MGAT3: variants seen among roughly 807,000 people sequenced by gnomAD.
The protein encoded by MGAT3 is GlcNAc-T III.
In MGAT3, 9 loss-of-function variants were observed where a neutral mutation model predicts 29.8. That is an observed-to-expected ratio of 0.30 (90% confidence interval 0.18 to 0.53). The LOEUF (loss-of-function observed/expected upper bound fraction) is 0.53, where lower values mean the gene tolerates loss of function less well. MGAT3 is among the 20% of genes least tolerant of loss of function. The pLI is 0.96. For missense variants in MGAT3, 557 were observed against 769.5 expected (o/e 0.72, Z 3.27); for synonymous variants, 397 against 348.9 (o/e 1.14, Z -1.54).
chr22:39,459,878 C>T (rs738289), intron 1 of MGAT3, among the ~76,000 whole-genome samples: 119,464 of 152,250 alleles, frequency 0.78, 47,305 homozygotes, highest in East Asian at 1. Context: ...ACCTGGAAAA[C>T]GAGGATGCCG....
intron 1 of MGAT3, among the ~76,000 whole-genome samples, chr22:39,485,880 T>A (rs562731450): frequency 6.6e-6 from 1 of 152,244 alleles, no homozygotes; most frequent in Admixed American, 6.5e-5. Context: ...CATAAACTGA[T>A]TGATAAATTA....
chr22:39,483,957 A>G (rs1929198417), intron 1 of MGAT3, among the ~76,000 whole-genome samples: 1 of 152,166 alleles, frequency 6.6e-6, no homozygotes, highest in Non-Finnish European at 1.5e-5. Context: ...GAATGGGGCA[A>G]ACGCTGCCCT....
chr22:39,484,407 CTG>C, intron 1 of MGAT3, among the ~76,000 whole-genome samples: 1 of 152,064 alleles, frequency 6.6e-6, no homozygotes, highest in East Asian at 1.9e-4. Context: ...GAGTCTCACT[CTG>C]TTGCCCAGGT....
chr22:39,463,513 T>A (rs995942706), intron 1 of MGAT3, among the ~76,000 whole-genome samples: 1 of 152,344 alleles, frequency 6.6e-6, no homozygotes, highest in Admixed American at 6.5e-5. Flanking sequence ...GCCCTGTCTC[T>A]GGAACGCCTG....
chr22:39,475,888 A>G (rs1307042813), intron 1 of MGAT3: 2 of 152,226 alleles, frequency 1.3e-5, no homozygotes, highest in African/African-American at 4.8e-5. Context: ...AGATGGGAGG[A>G]TTGCTTGAGT....
At chr22:39,462,311 C>T (rs1047218154) in intron 1 of MGAT3, among the ~76,000 whole-genome samples, 5 of 152,154 alleles carry the variant, frequency 3.3e-5, no homozygotes, top group Non-Finnish European at 5.9e-5. Context: ...GTGTCTTTGG[C>T]GTGTTTGTTA....
At position 39,487,617 on chromosome 22, in the gene MGAT3, C is replaced by T. The variant is rs766749026; in HGVS notation, c.270C>T (p.Ala90=). 5 of 1,611,598 alleles carry T rather than the reference C, an allele frequency of 3.1e-6. No homozygotes were observed. In the African/African-American group the frequency reaches 6.7e-5, roughly 21 times the overall value. The change falls in exon 2 of 2, where the codon GCC becomes GCT. Residue 90 remains alanine, a synonymous_variant. Transcript: ENST00000341184. The surrounding 1 kb of genome is among the most constrained non-coding windows in gnomAD (Gnocchi z 5.7). ...LLQPLPPSKA[A]EELHRVDLVL... ...AGCCGCTGCCGCCCAGCAAGGCGGC[C>T]GAGGAGCTCCACCGGGTGGACTTGG...
chr22:39,480,697 T>C (rs1170045394), intron 1 of MGAT3, among the ~76,000 whole-genome samples: 2 of 152,232 alleles, frequency 1.3e-5, no homozygotes, highest in Admixed American at 1.3e-4. Flanking sequence ...ACTGTTGGTG[T>C]CTGCAGGAGG....
At chr22:39,462,058 T>C (rs1279007970) in intron 1 of MGAT3, among the ~76,000 whole-genome samples, 1 of 152,116 alleles carries the variant, frequency 6.6e-6, no homozygotes, top group South Asian at 2.1e-4. Context: ...CGTGCCACCA[T>C]GCCCAGCTAA....
chr22:39,489,066 T>TGGGGGG lies in MGAT3; in HGVS notation c.*122_*123insGGGGGG. 3.0e-6 allele frequency: 1 copy of TGGGGGG among 332,622 alleles called. No individual in the cohort carries two copies. The highest frequency in any genetic ancestry group is 5.3e-6 in the Non-Finnish European group (1 of 188,438). The allele number at this position is 332,622 out of a possible 1,614,324, so 20.6% of individuals were successfully genotyped here. A position where few individuals can be genotyped will look rare whatever the true frequency, so the allele number is the denominator to read the frequency against. The stretch of plus-strand genomic sequence containing the variant: ...GAGGGGACCAGGAGTGGGTGGGGAG[T>TGGGGGG]GGGGGTGGGGGTAGGGTTTCCCTAC... On this transcript the variant is annotated 3_prime_UTR_variant, in exon 2 of 2. Coordinates refer to ENST00000341184, the MANE Select transcript of MGAT3 (RefSeq NM_002409.5).
chr22:39,484,180 T>C (rs1233269642), intron 1 of MGAT3, among the ~76,000 whole-genome samples: 1 of 152,210 alleles, frequency 6.6e-6, no homozygotes, highest in Non-Finnish European at 1.5e-5. Context: ...TTAAAATTTC[T>C]AGATCAATCG....
In MGAT3 at chr22:39,492,107, CT is replaced by C. The variant is rs1171006671; in HGVS notation, c.*3159del. On this transcript the variant is annotated 3_prime_UTR_variant, in exon 2 of 2. Coordinates refer to ENST00000341184, the MANE Select transcript of MGAT3 (RefSeq NM_002409.5). ...TATGTACATTCTGAAATCATTTTCT[CT>C]GTAAATGGTTGGATTTCATTTCACC... The C allele has an allele frequency of 2.4e-5, 4 of 167,092 alleles. No individual in the cohort carries two copies. The highest frequency in any genetic ancestry group is 5.9e-5 in the Non-Finnish European group (4 of 68,104). 10.4% of individuals were successfully genotyped at this position (167,092 alleles called of 1,614,324 possible). A position where few individuals can be genotyped will look rare whatever the true frequency, so the allele number is the denominator to read the frequency against.
At chr22:39,466,630 C>T (rs1042661781) in intron 1 of MGAT3, among the ~76,000 whole-genome samples, 2 of 152,216 alleles carry the variant, frequency 1.3e-5, no homozygotes, top group African/African-American at 4.8e-5. Flanking sequence ...TGCCAGAGCC[C>T]CCTCTCCTTA....
intron 1 of MGAT3, among the ~76,000 whole-genome samples, chr22:39,475,360 C>T (rs1036265095): frequency 6.6e-6 from 1 of 151,936 alleles, no homozygotes. Flanking sequence ...CCTCAGTGCC[C>T]ATGGGACCAG....
intron 1 of MGAT3, among the ~76,000 whole-genome samples, chr22:39,486,848 C>T (rs1320689549): frequency 2.0e-5 from 3 of 152,102 alleles, no homozygotes; most frequent in Non-Finnish European, 2.9e-5. Flanking sequence ...TCCCTTGAGA[C>T]CTGTGAGTTT....
intron 1 of MGAT3, among the ~76,000 whole-genome samples, chr22:39,477,977 G>A (rs778890697): frequency 5.3e-5 from 8 of 152,226 alleles, no homozygotes; most frequent in Admixed American, 6.5e-5. Flanking sequence ...AGCAGTGTTC[G>A]GATCTGGCCA....
chr22:39,487,823 CG>C lies in MGAT3; in HGVS notation c.482del (p.Gly161AlafsTer97). 1 of 1,501,990 alleles carries C rather than the reference CG, an allele frequency of 6.7e-7. No homozygotes were observed. Among genetic ancestry groups the C allele is most frequent in the Non-Finnish European group, 8.9e-7 (1 of 1,128,748 alleles). The allele number at this position is 1,501,990 out of a possible 1,614,324, so 93.0% of individuals were successfully genotyped here. A position where few individuals can be genotyped will look rare whatever the true frequency, so the allele number is the denominator to read the frequency against. ...PRYLLSARER[T>X]GGRGARRKWV... ...TACCTCCTGAGCGCCCGGGAGCGCA[CG>C]GGGGGCCGAGGCGCCCGGCGCAAGT... On this transcript the variant is annotated frameshift_variant, in exon 2 of 2. Transcript: ENST00000341184. LOFTEE classifies it high-confidence loss of function. The surrounding 1 kb of genome is among the most constrained non-coding windows in gnomAD (Gnocchi z 5.7).
At chr22:39,474,564 C>T (rs560347246) in intron 1 of MGAT3, among the ~76,000 whole-genome samples, 2 of 152,224 alleles carry the variant, frequency 1.3e-5, no homozygotes, top group African/African-American at 2.4e-5. Flanking sequence ...AGCACCTTCC[C>T]TGCACACTGG....
In MGAT3 at chr22:39,457,940, G is replaced by A. The variant is rs938267428; in HGVS notation, c.-2+383G>A. Among the ~76,000 whole-genome samples the A allele has an allele frequency of 6.6e-6, 1 of 151,710 alleles. No individual in the cohort carries two copies. Among genetic ancestry groups the A allele is most frequent in the Non-Finnish European group, 1.5e-5 (1 of 67,878 alleles). ...CGGCTCCCCCACAACCTCCGGCGCGGCGCGGGGCTGGGGTGGGAGGCCTCC... is the reference window on the plus strand; with the variant it reads ...CGGCTCCCCCACAACCTCCGGCGCGACGCGGGGCTGGGGTGGGAGGCCTCC... On this transcript the variant is annotated intron_variant, in intron 1 of 1. Coordinates refer to ENST00000341184, the MANE Select transcript of MGAT3 (RefSeq NM_002409.5). The surrounding 1 kb of genome is among the most constrained non-coding windows in gnomAD (Gnocchi z 6.8).
Sources: allele counts gnomAD v4.1 joint callset (sites outside exome capture counted in the v4.1 genomes callset), GRCh38; gene constraint gnomAD v4.1.1; non-coding constraint Gnocchi (gnomAD v3.1); transcripts MANE v1.5; gene names NCBI Gene and HGNC (gene_info 2026-07-23, HGNC 2026-07-21).